Variants in METTL25 observed in about 807,000 individuals in gnomAD.
METTL25 encodes the protein probable methyltransferase-like protein 25.
METTL25 carries 64 observed loss-of-function variants against 71.6 expected under a neutral mutation model. The observed-to-expected ratio is 0.89, with a 90% CI of 0.73 to 1.10. METTL25 has a LOEUF of 1.10. Ranked by LOEUF, METTL25 falls within the 50% of genes least tolerant of loss-of-function variation. The pLI is 0.00. For missense variants in METTL25, 807 were observed against 707.0 expected (o/e 1.14, Z -1.60); for synonymous variants, 287 against 250.3 (o/e 1.15, Z -1.38).
chr12:82,422,358 T>A (rs1321739979), intron 5 of METTL25, among the ~76,000 whole-genome samples: 2 of 152,182 alleles, frequency 1.3e-5, no homozygotes, highest in African/African-American at 4.8e-5. Flanking sequence ...CCCTTCATGC[T>A]AAAAACTCTC....
At chr12:82,370,558 C>T (rs1883110808) in intron 1 of METTL25, among the ~76,000 whole-genome samples, 1 of 152,190 alleles carries the variant, frequency 6.6e-6, no homozygotes, top group Admixed American at 6.5e-5. Flanking sequence ...GTGAGGAGGT[C>T]TAGTCCTTGG....
Position 82,412,756 on chromosome 12 carries a change from A to G in METTL25, c.1279+9626A>G, listed in dbSNP as rs145696564. 9.9e-3 allele frequency among the ~76,000 whole-genome samples: 1,501 copies of G among 152,146 alleles called. 25 individuals carry two copies. Among genetic ancestry groups the G allele is most frequent in the African/African-American group, 0.034 (1,419 of 41,546 alleles). On this transcript the variant is annotated intron_variant, in intron 5 of 11. Coordinates refer to ENST00000248306, the MANE Select transcript of METTL25 (RefSeq NM_032230.3). ...TTTTGACAAGTATAAAAGAATATTTATGTCCTTTTAAGTTTGTTCCTATTT... is the reference window on the plus strand; with the variant it reads ...TTTTGACAAGTATAAAAGAATATTTGTGTCCTTTTAAGTTTGTTCCTATTT...
chr12:82,430,202 AC>A (rs1456899985), intron 5 of METTL25, among the ~76,000 whole-genome samples: 1 of 151,194 alleles, frequency 6.6e-6, no homozygotes, highest in Non-Finnish European at 1.5e-5. Context: ...CTTTTCAAAA[AC>A]CCTGTGGAAC....
chr12:82,373,376 C>CT (rs1185672859), intron 1 of METTL25, among the ~76,000 whole-genome samples: 2 of 152,138 alleles, frequency 1.3e-5, no homozygotes, highest in Non-Finnish European at 2.9e-5. Context: ...ATAGTCCCTC[C>CT]TACAATGGGG....
At chr12:82,440,546 A>G (rs1304224047) in intron 8 of METTL25, among the ~76,000 whole-genome samples, 1 of 152,038 alleles carries the variant, frequency 6.6e-6, no homozygotes, top group Non-Finnish European at 1.5e-5. Flanking sequence ...TTAGTTATCA[A>G]GATTTGTACA....
intron 1 of METTL25, among the ~76,000 whole-genome samples, chr12:82,379,364 C>T (rs991209316): frequency 6.6e-5 from 10 of 152,074 alleles, no homozygotes; most frequent in South Asian, 4.1e-4. Flanking sequence ...TAACATTTTA[C>T]AATTTGAAAT....
intron 4 of METTL25, 94 bp downstream of exon 4, chr12:82,399,488 A>C: frequency 1.0e-6 from 1 of 981,624 alleles, no homozygotes; most frequent in South Asian, 1.7e-5. Flanking sequence ...TTACTTGATC[A>C]CATTAATCTA....
chr12:82,388,364 C>T (rs569300938), intron 2 of METTL25, among the ~76,000 whole-genome samples: 1 of 151,828 alleles, frequency 6.6e-6, no homozygotes, highest in South Asian at 2.1e-4. Flanking sequence ...CATAGTGTTC[C>T]CCCTGGAGCA....
chr12:82,418,065 G>GT (rs1286300522), intron 5 of METTL25, among the ~76,000 whole-genome samples: 1 of 152,128 alleles, frequency 6.6e-6, no homozygotes, highest in Non-Finnish European at 1.5e-5. Flanking sequence ...CATATGGAAG[G>GT]TGGCGATAGT....
intron 1 of METTL25, 152 bp from the exon 2 acceptor site, chr12:82,386,651 A>C: frequency 1.6e-6 from 1 of 609,962 alleles, no homozygotes; most frequent in Non-Finnish European, 2.8e-6. Flanking sequence ...AGTAAATATA[A>C]ATGGAGCCAT....
intron 8 of METTL25, among the ~76,000 whole-genome samples, chr12:82,445,331 C>A (rs1890661050): frequency 6.6e-6 from 1 of 151,954 alleles, no homozygotes. Flanking sequence ...CAAACACAGA[C>A]AATATGTGGC....
chr12:82,420,313 A>C (rs1319479495), intron 5 of METTL25, among the ~76,000 whole-genome samples: 1 of 152,176 alleles, frequency 6.6e-6, no homozygotes. Context: ...ATACTTAAAA[A>C]TTCCTAAAAG....
intron 9 of METTL25, among the ~76,000 whole-genome samples, chr12:82,466,448 CAGATA>C (rs1047501805): frequency 7.3e-5 from 11 of 151,192 alleles, no homozygotes; most frequent in African/African-American, 9.7e-5. Context: ...CCATTGTGGT[CAGATA>C]AGATATTTGG....
At chr12:82,404,742 A>C (rs1329824464) in intron 5 of METTL25, among the ~76,000 whole-genome samples, 1 of 152,152 alleles carries the variant, frequency 6.6e-6, no homozygotes, top group Non-Finnish European at 1.5e-5. Flanking sequence ...CAGGAGTTCA[A>C]GACCAGCCTG....
At chr12:82,407,269 C>T (rs990826249) in intron 5 of METTL25, among the ~76,000 whole-genome samples, 1 of 152,106 alleles carries the variant, frequency 6.6e-6, no homozygotes, top group Non-Finnish European at 1.5e-5. Context: ...TTAACAGATT[C>T]TCAAGCATTA....
At position 82,399,129 on chromosome 12, in the gene METTL25, T is replaced by A. The variant is rs1422612477; in HGVS notation, c.866T>A (p.Ile289Asn). Residue 289 changes from isoleucine to asparagine, a missense_variant, in exon 4 of 12, where the codon ATC (isoleucine) becomes AAC (asparagine). Coordinates refer to ENST00000248306, the MANE Select transcript of METTL25 (RefSeq NM_032230.3). ...PDFSGSVISN[I>N]RNQMETLHSQ... Reference sequence around the variant, plus strand: ...TTTTCTGGCTCTGTAATTTCTAATATCAGAAACCAAATGGAAACCCTTCAT... The same window carrying A: ...TTTTCTGGCTCTGTAATTTCTAATAACAGAAACCAAATGGAAACCCTTCAT... The A allele has an allele frequency of 6.2e-7, 1 of 1,613,658 alleles. No homozygotes were observed. Among genetic ancestry groups the A allele is most frequent in the Non-Finnish European group, 8.5e-7 (1 of 1,179,872 alleles).
Position 82,358,542 on chromosome 12 carries a change from C to G in METTL25, c.-24C>G, listed in dbSNP as rs1881261909. 1.9e-6 allele frequency: 3 copies of G among 1,604,894 alleles called. No individual in the cohort carries two copies. Among genetic ancestry groups the G allele is most frequent in the Admixed American group, 3.3e-5 (2 of 59,934 alleles). Reference sequence around the variant, plus strand: ...CGCCTCACGGCCATGTTTGCGCCACCTACAGCCTCGGAGGGTGAGCGTCAT... The same window carrying G: ...CGCCTCACGGCCATGTTTGCGCCACGTACAGCCTCGGAGGGTGAGCGTCAT... On this transcript the variant is annotated 5_prime_UTR_variant, in exon 1 of 12. Coordinates refer to ENST00000248306, the MANE Select transcript of METTL25 (RefSeq NM_032230.3).
intron 1 of METTL25, among the ~76,000 whole-genome samples, chr12:82,375,459 A>G (rs2401033): frequency 0.92 from 139,914 of 152,052 alleles, 64,729 homozygotes; most frequent in East Asian, 1. Flanking sequence ...AAAAATATAT[A>G]TATGTTCTTT....
chr12:82,365,313 G>C (rs981385053), intron 1 of METTL25, among the ~76,000 whole-genome samples: 3 of 152,084 alleles, frequency 2.0e-5, no homozygotes, highest in Admixed American at 6.5e-5. Flanking sequence ...TGGAAATATA[G>C]TACTTTATTT....
Sources: gnomAD v4.1 joint callset for allele counts (sites outside exome capture counted in the v4.1 genomes callset) on GRCh38, gnomAD v4.1.1 for gene constraint, MANE v1.5 for transcripts, NCBI Gene and HGNC (gene_info 2026-07-23, HGNC 2026-07-21) for gene names.